Variants in CEMIP observed in about 807,000 individuals in gnomAD.
The protein encoded by CEMIP is cell migration inducing hyaluronidase 1, also known as cell migration-inducing and hyaluronan-binding protein.
In CEMIP, 105 loss-of-function variants were observed where a neutral mutation model predicts 156.9. That is an observed-to-expected ratio of 0.67 (90% confidence interval 0.57 to 0.79). The LOEUF is 0.79. Ranked by LOEUF, CEMIP falls within the 30% of genes least tolerant of loss-of-function variation. The probability of loss-of-function intolerance (pLI) is 0.00; values close to 1 mark genes in which losing one functional copy is unlikely to be tolerated. For synonymous variants in CEMIP, 676 were observed against 668.4 expected (o/e 1.01, Z -0.17); for missense variants, 1,457 against 1,769.4 (o/e 0.82, Z 3.17).
intron 10 of CEMIP, among the ~76,000 whole-genome samples, chr15:80,891,530 A>G (rs779012395): frequency 2.0e-5 from 3 of 152,236 alleles, no homozygotes; most frequent in Admixed American, 6.5e-5. Flanking sequence ...AGAACAGAAG[A>G]TTCAACAGCA....
intron 7 of CEMIP, among the ~76,000 whole-genome samples, chr15:80,884,935 A>G (rs957069380): frequency 1.3e-5 from 2 of 152,218 alleles, no homozygotes; most frequent in African/African-American, 4.8e-5. Flanking sequence ...TTAAAGTTCC[A>G]GGATACATAT....
chr15:80,841,370 G>A (rs893617451), intron 1 of CEMIP, among the ~76,000 whole-genome samples: 6 of 152,138 alleles, frequency 3.9e-5, no homozygotes, highest in Non-Finnish European at 5.9e-5. Context: ...GGTTGGGGGT[G>A]GAGAAAATGC....
chr15:80,942,017 C>G lies in CEMIP; in HGVS notation c.3576C>G (p.Asp1192Glu). The G allele has an allele frequency of 6.2e-7, 1 of 1,613,768 alleles. No individual in the cohort carries two copies. Among genetic ancestry groups the G allele is most frequent in the Non-Finnish European group, 8.5e-7 (1 of 1,179,950 alleles). ...AGTTCACCGAGAGGGCTGTCGTAGA[C>G]GTGCCGATGCCCAAGAAGCTCTTTG... ...YPKFTERAVV[D>E]VPMPKKLFGS... Residue 1192 changes from aspartate to glutamate, a missense_variant, in exon 26 of 30, where the codon GAC becomes GAG. This residue lies in a region of CEMIP where 798 missense variants were observed against 980.1 expected (regional missense o/e 0.81). Coordinates refer to ENST00000394685, the MANE Select transcript of CEMIP (RefSeq NM_001293298.2).
chr15:80,864,519 G>A lies in CEMIP; in HGVS notation c.-175-9019G>A, dbSNP rs530076838. ...ACTGACCTTTATGGAGTCTTCATCC[G>A]GGCCGGCCCGTGTACCACACACATC... On this transcript the variant is annotated intron_variant, in intron 1 of 29. Transcript: ENST00000394685. 6.6e-5 allele frequency among the ~76,000 whole-genome samples: 10 copies of A among 152,286 alleles called. No homozygotes were observed. The Middle Eastern group carries it at 0.01, about 155-fold the overall frequency.
chr15:80,887,446 G>A (rs1360551915), intron 7 of CEMIP, among the ~76,000 whole-genome samples: 2 of 152,178 alleles, frequency 1.3e-5, no homozygotes, highest in African/African-American at 4.8e-5. Context: ...CCAGAATGGA[G>A]CTGAAGAGGC....
At chr15:80,938,196 A>C in intron 25 of CEMIP, 1 of 535,206 alleles carries the variant, frequency 1.9e-6, no homozygotes, top group Non-Finnish European at 3.4e-6. Context: ...TTAAATATAC[A>C]TGTGAATTGT....
At position 80,920,153 on chromosome 15, in the gene CEMIP, G is replaced by T. The variant is rs752729329; in HGVS notation, c.1857G>T (p.Pro619=). The part of the protein sequence containing the change: ...LGHCFFTEDG[P]EERNTFDHCL... Reference sequence around the variant, plus strand: ...ACTGCTTCTTCACGGAAGATGGGCCGGAGGAACGCAACACTTTTGACCACT... The same window carrying T: ...ACTGCTTCTTCACGGAAGATGGGCCTGAGGAACGCAACACTTTTGACCACT... The change falls in exon 15 of 30, where the codon CCG becomes CCT. Residue 619 remains proline, a synonymous_variant. Coordinates refer to ENST00000394685, the MANE Select transcript of CEMIP (RefSeq NM_001293298.2). 5 of 1,614,068 alleles carry T rather than the reference G, an allele frequency of 3.1e-6. No individual in the cohort carries two copies. The African/African-American group carries it at 6.7e-5, about 22-fold the overall frequency.
intron 1 of CEMIP, among the ~76,000 whole-genome samples, chr15:80,805,422 T>C (rs1896491067): frequency 6.6e-6 from 1 of 152,210 alleles, no homozygotes; most frequent in Non-Finnish European, 1.5e-5. Context: ...GTTCCCGTGC[T>C]GGGGTGCTTG....
chr15:80,948,799 C>A lies in CEMIP; in HGVS notation c.3961C>A (p.Gln1321Lys), dbSNP rs1472240559. The change falls in exon 30 of 30, where the codon CAA becomes AAA. Residue 1321 changes from glutamine to lysine, a missense_variant and splice_region_variant. Physicochemically the swap from Gln to Lys is moderately conservative, Grantham distance 53. Transcript: ENST00000394685. ...GGAGACTCATCATTGCTTTTCAGAG[C>A]AAATGGCATTCGTTGGCTTCAAAGG... ...GADRGLKLKE[Q>K]MAFVGFKGSF... is the part of the protein sequence containing the mutation. 9.9e-6 allele frequency: 16 copies of A among 1,614,028 alleles called. No homozygotes were observed. Among genetic ancestry groups the A allele is most frequent in the Non-Finnish European group, 1.4e-5 (16 of 1,180,042 alleles).
intron 10 of CEMIP, 30 bp downstream of exon 10, chr15:80,889,622 A>G (rs1898966567): frequency 6.2e-7 from 1 of 1,613,096 alleles, no homozygotes; most frequent in South Asian, 1.1e-5. Flanking sequence ...AATAGAAAAT[A>G]GAAATGTGTT....
At chr15:80,878,605 C>G in intron 3 of CEMIP, 116 bp from the exon 4 acceptor site, 1 of 1,375,092 alleles carries the variant, frequency 7.3e-7, no homozygotes, top group Non-Finnish European at 1.0e-6. Context: ...GCTTTTAGCT[C>G]TAACAGAGAG....
chr15:80,795,817 C>T (rs968673314), intron 1 of CEMIP, among the ~76,000 whole-genome samples: 2 of 152,004 alleles, frequency 1.3e-5, no homozygotes, highest in African/African-American at 4.8e-5. Context: ...ATAGTCCTGG[C>T]TACTTGGGAG....
In CEMIP at chr15:80,942,343, T is replaced by C; in HGVS notation, c.3699+6T>C. 1 of 1,610,598 alleles carries C rather than the reference T, an allele frequency of 6.2e-7. No individual in the cohort carries two copies. Among genetic ancestry groups the C allele is most frequent in the Non-Finnish European group, 8.5e-7 (1 of 1,176,732 alleles). On this transcript the variant is annotated splice_donor_region_variant and intron_variant, in intron 27 of 29. Transcript: ENST00000394685. ...ACGACTTCGCTTACATTGAAGTAAG[T>C]GCCTCTGGCCCCTGGAGGATTCGGG...
chr15:80,930,376 G>A (rs776485496), intron 21 of CEMIP, among the ~76,000 whole-genome samples: 3 of 152,202 alleles, frequency 2.0e-5, no homozygotes, highest in Non-Finnish European at 4.4e-5. Context: ...AGAATGCTCT[G>A]ATGACTTCCA....
chr15:80,875,525 C>A (rs1442503112), intron 3 of CEMIP, among the ~76,000 whole-genome samples: 1 of 152,252 alleles, frequency 6.6e-6, no homozygotes, highest in African/African-American at 2.4e-5. Flanking sequence ...CCCTCAGGTA[C>A]TTCCCTTGAT....
At chr15:80,838,793 T>A (rs1364738000) in intron 1 of CEMIP, among the ~76,000 whole-genome samples, 1 of 152,232 alleles carries the variant, frequency 6.6e-6, no homozygotes, top group Admixed American at 6.5e-5. Flanking sequence ...ATTCCCATTT[T>A]GCAGACGAGC....
intron 1 of CEMIP, among the ~76,000 whole-genome samples, chr15:80,781,360 T>C (rs1895789780): frequency 6.6e-6 from 1 of 152,216 alleles, no homozygotes; most frequent in African/African-American, 2.4e-5. Flanking sequence ...ATAGTTTTGT[T>C]CAAAGCCCAT....
chr15:80,920,950 T>G (rs1022267585), intron 15 of CEMIP, 82 bp from the exon 16 acceptor site: 14 of 1,115,780 alleles, frequency 1.3e-5, no homozygotes, highest in Non-Finnish European at 1.8e-5. Flanking sequence ...AATATCAGAG[T>G]GCCCAACCTG....
intron 1 of CEMIP, among the ~76,000 whole-genome samples, chr15:80,828,263 C>T (rs1417561883): frequency 2.0e-5 from 3 of 151,994 alleles, no homozygotes; most frequent in Non-Finnish European, 4.4e-5. Context: ...GCCTGTAATC[C>T]CAGTTACTCG....
Sources: allele counts gnomAD v4.1 joint callset (sites outside exome capture counted in the v4.1 genomes callset), GRCh38; gene constraint gnomAD v4.1.1; regional missense constraint gnomAD v4.1.1; transcripts MANE v1.5; gene names NCBI Gene and HGNC (gene_info 2026-07-23, HGNC 2026-07-21).